SNAPC4: variants seen among roughly 807,000 people sequenced by gnomAD.
The protein encoded by SNAPC4 is snRNA-activating protein complex subunit 4.
A neutral mutation model predicts 151.3 loss-of-function variants in SNAPC4; 127 were observed. That is an observed-to-expected ratio of 0.84 (90% CI 0.73 to 0.97). The LOEUF is 0.97. Ranked by LOEUF, SNAPC4 falls within the 50% of genes least tolerant of loss-of-function variation. The pLI is 0.00. For missense variants in SNAPC4, 2,186 were observed against 1,935.0 expected, an observed-to-expected ratio of 1.13 and a Z score of -2.43; for synonymous variants, 1,002 against 824.4, an observed-to-expected ratio of 1.22 and a Z score of -3.69.
chr9:136,387,703 T>C (rs1425590510), intron 12 of SNAPC4, 39 bp downstream of exon 12: 5 of 1,449,668 alleles, frequency 3.4e-6, no homozygotes, highest in Middle Eastern at 1.7e-4. Context: ...CCGCGTTACC[T>C]TCCCAGAGCC....
At position 136,380,788 on chromosome 9, in the gene SNAPC4, G is replaced by T; in HGVS notation, c.2451C>A (p.Pro817=). The change falls in exon 20 of 24, where the codon CCC becomes CCA. Residue 817 remains proline (P), a synonymous_variant. Coordinates refer to ENST00000684778, the MANE Select transcript of SNAPC4 (RefSeq NM_003086.4). The part of the protein sequence containing the change: ...EVVRERKALP[P]RLPQAGARDP... ...CCCGAGCACCAGCCTGGGGCAGCCT[G>T]GGTGGCAGGGCCTTCCTCTCTCGGA... The T allele has an allele frequency of 6.2e-7, 1 of 1,611,844 alleles. No individual in the cohort carries two copies. The highest frequency in any genetic ancestry group is 8.5e-7 in the Non-Finnish European group (1 of 1,178,984).
At chr9:136,389,228 T>C (rs1204809445) in intron 10 of SNAPC4, among the ~76,000 whole-genome samples, 1 of 152,222 alleles carries the variant, frequency 6.6e-6, no homozygotes, top group Non-Finnish European at 1.5e-5. Flanking sequence ...CAAGAGCTGA[T>C]GAGTGCTACC....
In SNAPC4 at chr9:136,398,462, T is replaced by C. The variant is rs878917110; in HGVS notation, c.-9-25A>G. 2.5e-6 allele frequency: 4 copies of C among 1,604,110 alleles called. No individual in the cohort carries two copies. In the South Asian group the frequency reaches 3.3e-5, roughly 13 times the overall value. The stretch of plus-strand genomic sequence containing the variant: ...CCTGCCTCCAAAACACACCCCGAGA[T>C]GTTAGAAACCAAGACCGTGCCGGGA... On this transcript the variant is annotated intron_variant, in intron 1 of 23. Coordinates refer to ENST00000684778, the MANE Select transcript of SNAPC4 (RefSeq NM_003086.4).
At chr9:136,397,064 C>T in intron 2 of SNAPC4, 41 bp from the exon 3 acceptor site, 2 of 1,590,282 alleles carry the variant, frequency 1.3e-6, no homozygotes, top group Non-Finnish European at 8.6e-7. Flanking sequence ...TAACCAGCGT[C>T]TTGGGCAGGG....
At chr9:136,390,154 C>T (rs1489541933) in intron 10 of SNAPC4, among the ~76,000 whole-genome samples, 2 of 152,158 alleles carry the variant, frequency 1.3e-5, no homozygotes, top group African/African-American at 4.8e-5. Context: ...CAGGAACACC[C>T]ACCCTCCCAC....
In SNAPC4 at chr9:136,383,916, T is replaced by C. The variant is rs1408536857; in HGVS notation, c.1500+37A>G. ...TGGACCCCCCAGTTGACCAGGCCAT[T>C]GTCTGGTTTCAGATAAAGAAGGAGC... On this transcript the variant is annotated intron_variant, in intron 15 of 23. Transcript: ENST00000684778. The surrounding 1 kb of genome is among the most constrained non-coding windows in gnomAD (Gnocchi z 4.2). 1.3e-6 allele frequency: 2 copies of C among 1,565,190 alleles called. No individual in the cohort carries two copies. The highest frequency in any genetic ancestry group is 1.7e-5 in the Admixed American group (1 of 59,910).
intron 7 of SNAPC4, among the ~76,000 whole-genome samples, chr9:136,393,310 GC>G (rs1331304905): frequency 1.3e-5 from 2 of 152,204 alleles, no homozygotes; most frequent in East Asian, 3.9e-4. Flanking sequence ...CCCTCTCAGT[GC>G]CCAGAGATGC....
chr9:136,378,863 G>T lies in SNAPC4; in HGVS notation c.2964C>A (p.Pro988=), dbSNP rs1377210040. 2 of 1,610,132 alleles carry T rather than the reference G, an allele frequency of 1.2e-6. No individual in the cohort carries two copies. Among genetic ancestry groups the T allele is most frequent in the Non-Finnish European group, 1.7e-6 (2 of 1,178,888 alleles). Residue 988 remains proline, a synonymous_variant, in exon 22 of 24, where the codon CCC becomes CCA. Transcript: ENST00000684778. Reference sequence around the variant, plus strand: ...CGGCCTCTGAGAAGACAGGAGCGAGGGGCAGGGCTTGCATGGTGGAGAGTC... The same window carrying T: ...CGGCCTCTGAGAAGACAGGAGCGAGTGGCAGGGCTTGCATGGTGGAGAGTC... ...DKRLSTMQAL[P]LAPVFSEAEG...
intron 7 of SNAPC4, 124 bp from the exon 8 acceptor site, chr9:136,392,901 C>G: frequency 1.3e-6 from 1 of 760,614 alleles, no homozygotes; most frequent in Non-Finnish European, 2.2e-6. Flanking sequence ...CTCACCCTCC[C>G]TGCCTCGGCC....
At chr9:136,398,252 C>T in intron 2 of SNAPC4, 47 bp downstream of exon 2, 1 of 1,576,656 alleles carries the variant, frequency 6.3e-7, no homozygotes, top group African/African-American at 1.4e-5. Flanking sequence ...GGAGGCAGAC[C>T]AGCTGTTCTT....
intron 22 of SNAPC4, among the ~76,000 whole-genome samples, chr9:136,376,929 C>T (rs1833467704): frequency 6.6e-6 from 1 of 152,222 alleles, no homozygotes; most frequent in African/African-American, 2.4e-5. Flanking sequence ...CCAGCTGAGG[C>T]TGCCTGCTTC....
chr9:136,398,457 C>T lies in SNAPC4; in HGVS notation c.-9-20G>A, dbSNP rs202237776. 6.2e-5 allele frequency: 100 copies of T among 1,605,400 alleles called. No individual in the cohort carries two copies. In the East Asian group the frequency reaches 1.1e-3, roughly 17 times the overall value. ...TCCCGCCTGCCTCCAAAACACACCCCGAGATGTTAGAAACCAAGACCGTGC... is the reference window on the plus strand; with the variant it reads ...TCCCGCCTGCCTCCAAAACACACCCTGAGATGTTAGAAACCAAGACCGTGC... On this transcript the variant is annotated intron_variant, in intron 1 of 23. Transcript: ENST00000684778.
In SNAPC4 at chr9:136,378,147, CCT is replaced by C. The variant is rs886196306; in HGVS notation, c.3678_3679del (p.Gly1227AspfsTer21). ...CAGAGGCCCCCTGGGCTCCTGTGTC[CCT>C]GAGGGGGACCCCGGCGTCCCCCTTG... On this transcript the variant is annotated frameshift_variant, in exon 22 of 24. Transcript: ENST00000684778. LOFTEE classifies it high-confidence loss of function. 8 of 1,609,872 alleles carry C rather than the reference CCT, an allele frequency of 5.0e-6. No homozygotes were observed. The highest frequency in any genetic ancestry group is 2.2e-5 in the East Asian group (1 of 44,764).
chr9:136,386,538 G>A (rs1285714990), intron 13 of SNAPC4, among the ~76,000 whole-genome samples: 1 of 150,742 alleles, frequency 6.6e-6, no homozygotes, highest in East Asian at 1.9e-4. Context: ...AGTTTCAAGC[G>A]ATTCTCCTGC....
At chr9:136,399,975 C>CG (rs930842998) in intron 1 of SNAPC4, among the ~76,000 whole-genome samples, 159 bp downstream of exon 1, 39 of 152,220 alleles carry the variant, frequency 2.6e-4, no homozygotes, top group African/African-American at 9.4e-4. Flanking sequence ...CTCGGCCGGA[C>CG]GGGGGCCACG....
chr9:136,395,567 G>A (rs904947069), intron 4 of SNAPC4, 36 bp downstream of exon 4: 1 of 1,584,352 alleles, frequency 6.3e-7, no homozygotes. Flanking sequence ...TGGGGGTGGG[G>A]AGGTGTGGGC....
In SNAPC4 at chr9:136,381,960, C is replaced by G. The variant is rs1833710584; in HGVS notation, c.2181G>C (p.Gly727=). The G allele has an allele frequency of 6.2e-7, 1 of 1,612,188 alleles. No individual in the cohort carries two copies. The highest frequency in any genetic ancestry group is 8.5e-7 in the Non-Finnish European group (1 of 1,179,922). The change falls in exon 18 of 24, where the codon GGG becomes GGC. Residue 727 remains glycine (G), a synonymous_variant. Transcript: ENST00000684778. The part of the protein sequence containing the change: ...QWLRHRATQS[G]QRRWRHALHR... The stretch of plus-strand genomic sequence containing the variant: ...GCAGAGCGTGTCTCCAGCGCCGCTG[C>G]CCACTCTGGGTGGCTCTGTGCCGTA...
chr9:136,383,779 T>C lies in SNAPC4; in HGVS notation c.1501-111A>G. ...GGCCCAAGCGGGGGCGCCTCCGGGG[T>C]CAAGAGCAGCCGCTGCCGAGGCAGG... On this transcript the variant is annotated intron_variant, in intron 15 of 23. Transcript: ENST00000684778. This position sits in a 1 kb window ranked among gnomAD's most constrained non-coding sequence, Gnocchi z 4.2. The C allele has an allele frequency of 1.4e-6, 2 of 1,434,414 alleles. No homozygotes were observed. Among genetic ancestry groups the C allele is most frequent in the African/African-American group, 1.4e-5 (1 of 70,788 alleles). The allele number at this position is 1,434,414 out of a possible 1,614,324, so 88.9% of individuals were successfully genotyped here.
intron 22 of SNAPC4, among the ~76,000 whole-genome samples, 184 bp from the exon 23 acceptor site, chr9:136,376,665 C>T (rs776908672): frequency 1.1e-4 from 16 of 152,170 alleles, no homozygotes; most frequent in Non-Finnish European, 1.2e-4. Context: ...CTCCCTCCCT[C>T]GGGGGCTCTG....
Sources: allele counts gnomAD v4.1 joint callset (sites outside exome capture counted in the v4.1 genomes callset), GRCh38; gene constraint gnomAD v4.1.1; non-coding constraint Gnocchi (gnomAD v3.1); transcripts MANE v1.5; gene names NCBI Gene and HGNC (gene_info 2026-07-23, HGNC 2026-07-21).